The following KCNT2 variants were observed in gnomAD, a reference collection of about 807,000 sequenced individuals.
KCNT2 encodes potassium channel subfamily T member 2.
KCNT2 carries 67 observed loss-of-function variants against 153.8 expected under a neutral mutation model. The observed-to-expected ratio is 0.44, with a 90% CI of 0.36 to 0.53. KCNT2 has a LOEUF of 0.53. Ranked by LOEUF, KCNT2 falls within the 20% of genes least tolerant of loss-of-function variation. The pLI is 0.00. For missense variants in KCNT2, 975 were observed against 1,354.8 expected (o/e 0.72, Z 4.40); for synonymous variants, 500 against 458.8 (o/e 1.09, Z -1.15).
At chr1:196,306,424 T>G (rs1253522629) in intron 21 of KCNT2, among the ~76,000 whole-genome samples, 8 of 152,090 alleles carry the variant, frequency 5.3e-5, no homozygotes, top group Non-Finnish European at 1.0e-4. Context: ...TGTGCCCGAG[T>G]GCTTGATGTG....
chr1:196,429,163 T>C (rs987380052), intron 9 of KCNT2, among the ~76,000 whole-genome samples: 2 of 151,964 alleles, frequency 1.3e-5, no homozygotes, highest in Non-Finnish European at 2.9e-5. Flanking sequence ...TTGACAAACA[T>C]AAGTAATAGA....
rs984866361 is a variant in KCNT2, at chr1:196,490,674, G to A, written c.176-737C>T. On this transcript the variant is annotated intron_variant, in intron 2 of 27. Transcript: ENST00000294725. ...CTTTTGTGGGAATTAAAACTGCCAT[G>A]TATGTATCTTCTAAACTGTGTGGGT... Among the ~76,000 whole-genome samples the A allele has an allele frequency of 2.6e-5, 4 of 151,620 alleles. No individual in the cohort carries two copies. In the East Asian group the frequency reaches 7.7e-4, roughly 29 times the overall value.
intron 1 of KCNT2, among the ~76,000 whole-genome samples, chr1:196,607,905 T>C (rs1486821299): frequency 6.6e-6 from 1 of 152,202 alleles, no homozygotes; most frequent in Non-Finnish European, 1.5e-5. Context: ...GGGTGTATTG[T>C]ACCTCTGATA....
chr1:196,319,608 A>C (rs1663076624), intron 19 of KCNT2, 53 bp from the exon 20 acceptor site: 20 of 1,166,092 alleles, frequency 1.7e-5, no homozygotes, highest in Non-Finnish European at 2.5e-5. Context: ...CAGTGGCAGC[A>C]CTTCTAGGGA....
chr1:196,440,942 A>T (rs1675170885), intron 8 of KCNT2, among the ~76,000 whole-genome samples: 1 of 151,890 alleles, frequency 6.6e-6, no homozygotes, highest in African/African-American at 2.4e-5. Context: ...TACGGTCTAT[A>T]CATACAGACC....
intron 22 of KCNT2, among the ~76,000 whole-genome samples, chr1:196,304,486 T>A (rs1661450909): frequency 6.6e-6 from 1 of 152,124 alleles, no homozygotes; most frequent in Non-Finnish European, 1.5e-5. Flanking sequence ...CCCAGGTCAC[T>A]CTGATTATAG....
chr1:196,275,046 T>C (rs564015551), intron 25 of KCNT2, among the ~76,000 whole-genome samples: 2 of 151,984 alleles, frequency 1.3e-5, no homozygotes, highest in South Asian at 4.1e-4. Flanking sequence ...AAATATTCAC[T>C]CTCAATGGAA....
chr1:196,455,064 A>G (rs1676542002), intron 8 of KCNT2, among the ~76,000 whole-genome samples: 1 of 151,898 alleles, frequency 6.6e-6, no homozygotes, highest in African/African-American at 2.4e-5. Flanking sequence ...GGTCTTCTTC[A>G]GCTTCAAAGC....
At chr1:196,594,628 T>C (rs749741917) in intron 1 of KCNT2, among the ~76,000 whole-genome samples, 2 of 152,084 alleles carry the variant, frequency 1.3e-5, no homozygotes, top group Non-Finnish European at 2.9e-5. Flanking sequence ...TAAGCATAAT[T>C]ATAAAACAAA....
intron 2 of KCNT2, among the ~76,000 whole-genome samples, chr1:196,490,233 G>A (rs969103060): frequency 2.6e-5 from 4 of 151,454 alleles, no homozygotes; most frequent in African/African-American, 7.3e-5. Context: ...TCCAATCGAG[G>A]TTGATTAAAG....
In KCNT2 at chr1:196,533,320, A is replaced by T. The variant is rs1184464154; in HGVS notation, c.96-40979T>A. On this transcript the variant is annotated intron_variant, in intron 1 of 27. Coordinates refer to ENST00000294725, the MANE Select transcript of KCNT2 (RefSeq NM_198503.5). ...ATGTAAGAAGAAAATTATCCCTTAC[A>T]AAAGGGGTAATTACAATTACAAAAG... Among the ~76,000 whole-genome samples, 7 of 152,214 alleles carry T rather than the reference A, an allele frequency of 4.6e-5. No individual in the cohort carries two copies. The East Asian group carries it at 1.4e-3, about 29-fold the overall frequency.
At chr1:196,448,248 CTCAGTGTCTTAGAGCTATTACTGGAATT>C (rs1675863618) in intron 8 of KCNT2, among the ~76,000 whole-genome samples, 1 of 151,534 alleles carries the variant, frequency 6.6e-6, no homozygotes, top group East Asian at 2.0e-4. Context: ...TAATAAGTAT[CTCAGTGTCTTAGAGCTATTACTGGAATT>C]AAAAGAGATA....
intron 18 of KCNT2, among the ~76,000 whole-genome samples, chr1:196,328,450 T>G (rs749605175): frequency 1.4e-4 from 21 of 151,808 alleles, no homozygotes; most frequent in Non-Finnish European, 2.6e-4. Flanking sequence ...GAAAGAAAAC[T>G]TATTCAAGTA....
intron 25 of KCNT2, among the ~76,000 whole-genome samples, chr1:196,275,587 G>T (rs1658490269): frequency 6.6e-6 from 1 of 151,850 alleles, no homozygotes; most frequent in African/African-American, 2.4e-5. Context: ...CACAGCCAAA[G>T]CAGTTATATC....
At position 196,228,023 on chromosome 1, in the gene KCNT2, AG is replaced by A. The variant is rs1323473278; in HGVS notation, c.*200del. ...TTAGCTTTTCAAATTTATTCCATTG[AG>A]GTCCTTCAAATATTAATAGGGAGAG... On this transcript the variant is annotated 3_prime_UTR_variant, in exon 28 of 28. Transcript: ENST00000294725. 1 of 389,192 alleles carries A rather than the reference AG, an allele frequency of 2.6e-6. No homozygotes were observed. Among genetic ancestry groups the A allele is most frequent in the Non-Finnish European group, 4.6e-6 (1 of 219,312 alleles). 24.1% of individuals were successfully genotyped at this position (389,192 alleles called of 1,614,324 possible).
At chr1:196,304,532 A>T (rs1188579209) in intron 22 of KCNT2, among the ~76,000 whole-genome samples, 1 of 152,072 alleles carries the variant, frequency 6.6e-6, no homozygotes, top group African/African-American at 2.4e-5. Flanking sequence ...CACATTTTAC[A>T]TGTATAAGAC....
intron 25 of KCNT2, among the ~76,000 whole-genome samples, chr1:196,258,891 G>C (rs1656754063): frequency 6.6e-6 from 1 of 151,984 alleles, no homozygotes; most frequent in African/African-American, 2.4e-5. Context: ...CCTATTACAA[G>C]TATTTCACAC....
intron 14 of KCNT2, among the ~76,000 whole-genome samples, chr1:196,346,934 A>G (rs552518609): frequency 6.6e-6 from 1 of 152,252 alleles, no homozygotes. Flanking sequence ...TATTTATTTA[A>G]TGAAAAATTT....
chr1:196,415,968 T>G (rs899791609), intron 12 of KCNT2, among the ~76,000 whole-genome samples: 1 of 151,966 alleles, frequency 6.6e-6, no homozygotes, highest in South Asian at 2.1e-4. Flanking sequence ...AAGATTAACT[T>G]TGACCCAATA....
Sources: gnomAD v4.1 joint callset for allele counts (sites outside exome capture counted in the v4.1 genomes callset) on GRCh38, gnomAD v4.1.1 for gene constraint, MANE v1.5 for transcripts, NCBI Gene and HGNC (gene_info 2026-07-23, HGNC 2026-07-21) for gene names.